Variants in CARD19 observed in about 807,000 individuals in gnomAD.
The protein encoded by CARD19 is caspase recruitment domain family member 19, also known as caspase recruitment domain-containing protein 19.
A neutral mutation model predicts 24.1 loss-of-function variants in CARD19; 25 were observed. The ratio of observed to expected loss-of-function variants is 1.04; its 90% CI spans 0.76 to 1.45. The LOEUF is 1.45. Ranked by LOEUF, CARD19 falls within the 40% of genes most tolerant of loss-of-function variation. CARD19 has a pLI of 0.00. For missense variants in CARD19, 241 were observed against 247.4 expected (o/e 0.97, Z 0.17); for synonymous variants, 103 against 104.9 (o/e 0.98, Z 0.11).
intron 1 of CARD19, among the ~76,000 whole-genome samples, chr9:93,102,980 G>C (rs1034108945): frequency 5.3e-5 from 8 of 152,010 alleles, no homozygotes; most frequent in African/African-American, 1.9e-4. Flanking sequence ...TTTATATCTT[G>C]CAACCTTGCT....
At chr9:93,112,786 C>T (rs556521191) in intron 5 of CARD19, among the ~76,000 whole-genome samples, 1 of 152,324 alleles carries the variant, frequency 6.6e-6, no homozygotes, top group East Asian at 1.9e-4. Context: ...TGGCAGGACT[C>T]AAAGGCCCGT....
Position 93,110,700 on chromosome 9 carries a change from C to T in CARD19, c.283C>T (p.Leu95=). The change falls in exon 3 of 6, where the codon CTG becomes TTG. Residue 95 remains leucine (L), a synonymous_variant. Coordinates refer to ENST00000375464, the MANE Select transcript of CARD19 (RefSeq NM_032310.5). ...CCATGCCCAGCCCCTGCACAGCCGC[C>T]TGCCCAGCCGCCACGCTCTGCGTAA... ...YIHAQPLHSR[L]PSRHALQNSD... 1 of 1,611,590 alleles carries T rather than the reference C, an allele frequency of 6.2e-7. No individual in the cohort carries two copies. The highest frequency in any genetic ancestry group is 2.2e-5 in the East Asian group (1 of 44,876).
In CARD19 at chr9:93,101,958, AT is replaced by A. The variant is rs34848135; in HGVS notation, c.7+5622del. Among the ~76,000 whole-genome samples, 303 of 138,742 alleles carry A rather than the reference AT, an allele frequency of 2.2e-3. 1 individual carries two copies. The highest frequency in any genetic ancestry group is 4.1e-3 in the African/African-American group (151 of 36,804). The allele number at this position is 138,742 out of a possible 152,430, so 91.0% of individuals were successfully genotyped here. A position where few individuals can be genotyped will look rare whatever the true frequency, so the allele number is the denominator to read the frequency against. On this transcript the variant is annotated intron_variant, in intron 1 of 5. Transcript: ENST00000375464. Reference sequence around the variant, plus strand: ...ATTTCCTTAATGACTAATGATGAGCATTTTTTTTTTTTTTTTAATTTGAGAC... The same window carrying A: ...ATTTCCTTAATGACTAATGATGAGCATTTTTTTTTTTTTTTAATTTGAGAC...
In CARD19 at chr9:93,112,022, G is replaced by A; in HGVS notation, c.364+84G>A. ...TCCCCAGGGCTCCATCTCCGCCTCA[G>A]GGGCTTCTCCACCCCAAGTCTGGCT... On this transcript the variant is annotated intron_variant, in intron 4 of 5. Transcript: ENST00000375464. 5 of 1,518,312 alleles carry A rather than the reference G, an allele frequency of 3.3e-6. No homozygotes were observed. The South Asian group carries it at 4.7e-5, about 14-fold the overall frequency. The allele number at this position is 1,518,312 out of a possible 1,614,324, so 94.1% of individuals were successfully genotyped here.
chr9:93,102,116 C>T (rs1827107255), intron 1 of CARD19, among the ~76,000 whole-genome samples: 1 of 152,082 alleles, frequency 6.6e-6, no homozygotes, highest in Non-Finnish European at 1.5e-5. Flanking sequence ...CACGCACCAC[C>T]ATGCCCGACT....
chr9:93,104,098 A>G (rs1301284088), intron 1 of CARD19, among the ~76,000 whole-genome samples: 1 of 152,174 alleles, frequency 6.6e-6, no homozygotes, highest in East Asian at 1.9e-4. Flanking sequence ...TCATTCTATT[A>G]ATGTGGTATA....
intron 1 of CARD19, among the ~76,000 whole-genome samples, chr9:93,103,116 C>G (rs1426540272): frequency 1.3e-5 from 2 of 152,114 alleles, no homozygotes; most frequent in African/African-American, 4.8e-5. Flanking sequence ...CTTTTATTCC[C>G]TTTTCCTTTT....
At chr9:93,112,164 G>A (rs1827518337) in intron 4 of CARD19, 54 bp from the exon 5 acceptor site, 1 of 1,511,634 alleles carries the variant, frequency 6.6e-7, no homozygotes, top group Non-Finnish European at 8.9e-7. Flanking sequence ...CAGGCCTCAG[G>A]ACCCCACCCC....
rs917586604 is a variant in CARD19 at position 93,112,086 on chromosome 9, A to G, written c.365-132A>G. On this transcript the variant is annotated intron_variant, in intron 4 of 5. Coordinates refer to ENST00000375464, the MANE Select transcript of CARD19 (RefSeq NM_032310.5). Reference sequence around the variant, plus strand: ...TCTGTTGGTGACAGACCCCCCCCCTAAGGTGCTCGTTTGGGGGCTCTTCAG... The same window carrying G: ...TCTGTTGGTGACAGACCCCCCCCCTGAGGTGCTCGTTTGGGGGCTCTTCAG... 59 of 1,325,548 alleles carry G rather than the reference A, an allele frequency of 4.5e-5. 1 individual carries two copies. Among genetic ancestry groups the G allele is most frequent in the Non-Finnish European group, 5.9e-5 (57 of 961,286 alleles). The allele number at this position is 1,325,548 out of a possible 1,614,324, so 82.1% of individuals were successfully genotyped here. A position where few individuals can be genotyped will look rare whatever the true frequency, so the allele number is the denominator to read the frequency against.
chr9:93,110,823 TGCTGCAGCCCAG>T (rs1405146586), intron 3 of CARD19, 102 bp downstream of exon 3: 1 of 1,537,924 alleles, frequency 6.5e-7, no homozygotes, highest in Admixed American at 2.0e-5. Flanking sequence ...CACCCAAGTC[TGCTGCAGCCCAG>T]GCCTGGCATC....
Position 93,107,746 on chromosome 9 carries a change from A to G in CARD19, c.80A>G (p.Gln27Arg). 6.2e-7 allele frequency: 1 copy of G among 1,614,250 alleles called. No individual in the cohort carries two copies. The highest frequency in any genetic ancestry group is 8.5e-7 in the Non-Finnish European group (1 of 1,180,034). ...LTGHGRLSEQ[Q>R]VDRIILQLNR... is the part of the protein sequence containing the mutation. ...GGCCATGGGCGCTTGAGTGAGCAGC[A>G]GGTGGACAGGATCATCCTCCAGCTG... The change falls in exon 2 of 6, where the codon CAG becomes CGG. Residue 27 changes from glutamine (Q) to arginine (R), a missense_variant. Transcript: ENST00000375464.
At chr9:93,102,047 C>T (rs1292023562) in intron 1 of CARD19, among the ~76,000 whole-genome samples, 4 of 151,412 alleles carry the variant, frequency 2.6e-5, no homozygotes, top group Non-Finnish European at 5.9e-5. Context: ...CTGCAACTTC[C>T]ACCTCCTGGG....
chr9:93,101,742 A>G (rs1827092230), intron 1 of CARD19, among the ~76,000 whole-genome samples: 1 of 151,428 alleles, frequency 6.6e-6, no homozygotes, highest in East Asian at 2.0e-4. Flanking sequence ...CGGCCATCAC[A>G]GGATAATTCT....
At chr9:93,108,158 G>T (rs554545851) in intron 2 of CARD19, among the ~76,000 whole-genome samples, 1 of 152,176 alleles carries the variant, frequency 6.6e-6, no homozygotes, top group Admixed American at 6.5e-5. Context: ...TACGGAGGGA[G>T]GCGAGAAAGA....
chr9:93,107,299 G>T (rs1483601970), intron 1 of CARD19, among the ~76,000 whole-genome samples: 1 of 152,186 alleles, frequency 6.6e-6, no homozygotes, highest in Non-Finnish European at 1.5e-5. Context: ...CCTGGCCCTG[G>T]GCATTCTGAG....
At chr9:93,105,150 G>A (rs962656052) in intron 1 of CARD19, among the ~76,000 whole-genome samples, 1 of 151,316 alleles carries the variant, frequency 6.6e-6, no homozygotes, top group African/African-American at 2.4e-5. Flanking sequence ...TTAGGTTTTA[G>A]CGCGGTGTAA....
Position 93,113,006 on chromosome 9 carries a change from C to G in CARD19, c.451C>G (p.Pro151Ala). ...YCYPPDPKGL[P>A]GTRRVLGFSP... ...TTGTCTTCTAGACCCCAAGGGCCTG[C>G]CAGGGACCCGGCGCGTCCTCGGTTT... Residue 151 changes from proline (P) to alanine (A), a missense_variant, in exon 6 of 6, where the codon CCA (proline) becomes GCA (alanine). Transcript: ENST00000375464. 1.2e-6 allele frequency: 2 copies of G among 1,608,590 alleles called. No individual in the cohort carries two copies. Among genetic ancestry groups the G allele is most frequent in the Non-Finnish European group, 1.7e-6 (2 of 1,177,144 alleles).
intron 1 of CARD19, among the ~76,000 whole-genome samples, chr9:93,106,366 C>T (rs1450488518): frequency 7.1e-6 from 1 of 140,946 alleles, no homozygotes; most frequent in Non-Finnish European, 1.5e-5. Context: ...CACCTGAGGT[C>T]AGGAGTTTGA....
chr9:93,113,016 G>C lies in CARD19; in HGVS notation c.461G>C (p.Arg154Pro). The stretch of plus-strand genomic sequence containing the variant: ...GACCCCAAGGGCCTGCCAGGGACCC[G>C]GCGCGTCCTCGGTTTCTCGCCTGTC... Reference protein sequence around the residue: ...PPDPKGLPGTRRVLGFSPVII... With the variant: ...PPDPKGLPGTPRVLGFSPVII... Residue 154 changes from arginine (R) to proline (P), a missense_variant, in exon 6 of 6, where the codon CGG becomes CCG. Physicochemically the swap from Arg to Pro is moderately radical, Grantham distance 103. Coordinates refer to ENST00000375464, the MANE Select transcript of CARD19 (RefSeq NM_032310.5). 1 of 1,609,306 alleles carries C rather than the reference G, an allele frequency of 6.2e-7. No individual in the cohort carries two copies. The highest frequency in any genetic ancestry group is 1.3e-5 in the African/African-American group (1 of 74,932).
Sources: allele counts gnomAD v4.1 joint callset (sites outside exome capture counted in the v4.1 genomes callset), GRCh38; gene constraint gnomAD v4.1.1; transcripts MANE v1.5; gene names NCBI Gene and HGNC (gene_info 2026-07-23, HGNC 2026-07-21).